ANO6: variants seen among roughly 807,000 people sequenced by gnomAD.
ANO6 encodes the protein anoctamin-6.
A neutral mutation model predicts 117.5 loss-of-function variants in ANO6; 106 were observed. That is an observed-to-expected ratio of 0.90 (90% CI 0.77 to 1.06). ANO6 has a LOEUF of 1.06. Among genes scored for constraint, ANO6 ranks in the 50% least tolerant of loss-of-function variants. The pLI is 0.00. For synonymous variants in ANO6, 367 were observed against 385.1 expected (o/e 0.95, Z 0.55); for missense variants, 955 against 1,121.1 (o/e 0.85, Z 2.12).
chr12:45,419,066 T>C (rs1328506481), intron 17 of ANO6, among the ~76,000 whole-genome samples: 1 of 152,208 alleles, frequency 6.6e-6, no homozygotes. Flanking sequence ...CAAGCAGGAA[T>C]TTGGTATAAA....
At chr12:45,392,600 G>T (rs1942484734) in intron 12 of ANO6, among the ~76,000 whole-genome samples, 1 of 152,176 alleles carries the variant, frequency 6.6e-6, no homozygotes, top group South Asian at 2.1e-4. Context: ...ACCACTGGGG[G>T]CCGACAGACA....
intron 10 of ANO6, among the ~76,000 whole-genome samples, chr12:45,379,668 C>T (rs1942119301): frequency 6.6e-6 from 1 of 152,104 alleles, no homozygotes. Context: ...ATGCTGATAG[C>T]CCCAATTAAA....
At chr12:45,423,111 A>G (rs1210312042) in intron 19 of ANO6, 49 bp downstream of exon 19, 2 of 1,396,386 alleles carry the variant, frequency 1.4e-6, no homozygotes, top group Non-Finnish European at 2.0e-6. Flanking sequence ...GTATTTGCAG[A>G]CCTTCCATTA....
intron 2 of ANO6, among the ~76,000 whole-genome samples, chr12:45,329,897 G>A (rs1017083202): frequency 1.3e-5 from 2 of 152,028 alleles, no homozygotes; most frequent in African/African-American, 4.8e-5. Context: ...ACATGGCTCA[G>A]CATTTTCATA....
At chr12:45,280,864 G>C (rs1938704238) in intron 1 of ANO6, among the ~76,000 whole-genome samples, 1 of 85,686 alleles carries the variant, frequency 1.2e-5, no homozygotes, top group Non-Finnish European at 3.0e-5. Context: ...TCATATATGT[G>C]TTTTTATATA....
chr12:45,285,727 CAAA>C (rs1204485374), intron 1 of ANO6, among the ~76,000 whole-genome samples: 2 of 101,870 alleles, frequency 2.0e-5, no homozygotes, highest in Non-Finnish European at 2.0e-5. Context: ...GACTCCGTCT[CAAA>C]AAAAAAAAAA....
At chr12:45,234,432 A>C (rs1947616815) in intron 1 of ANO6, among the ~76,000 whole-genome samples, 1 of 152,178 alleles carries the variant, frequency 6.6e-6, no homozygotes, top group African/African-American at 2.4e-5. Flanking sequence ...AAAATATTGC[A>C]AACAGATATT....
chr12:45,428,248 CAGA>C (rs1259957281), intron 19 of ANO6, among the ~76,000 whole-genome samples: 5 of 152,282 alleles, frequency 3.3e-5, no homozygotes, highest in Non-Finnish European at 2.9e-5. Context: ...TGTAGTCACA[CAGA>C]AGAATATTAT....
intron 12 of ANO6, among the ~76,000 whole-genome samples, chr12:45,395,035 A>C (rs532362401): frequency 5.3e-5 from 8 of 152,344 alleles, no homozygotes; most frequent in African/African-American, 1.7e-4. Context: ...CCCTTCAAAA[A>C]ATCAGTGAAT....
chr12:45,305,207 A>T (rs1338220068), intron 2 of ANO6, among the ~76,000 whole-genome samples: 2 of 152,194 alleles, frequency 1.3e-5, no homozygotes, highest in Non-Finnish European at 2.9e-5. Context: ...CACACTCCAA[A>T]GTAAGATGGG....
At chr12:45,388,067 C>A in intron 10 of ANO6, 94 bp from the exon 11 acceptor site, 3 of 1,512,150 alleles carry the variant, frequency 2.0e-6, no homozygotes, top group South Asian at 1.1e-5. Flanking sequence ...TGAAAACAGG[C>A]CAGTACAATG....
intron 1 of ANO6, among the ~76,000 whole-genome samples, chr12:45,232,187 G>A (rs1301641845): frequency 1.3e-5 from 2 of 152,154 alleles, no homozygotes; most frequent in African/African-American, 2.4e-5. Context: ...ATCTTCAATA[G>A]AGCTTATATT....
At chr12:45,319,689 A>G (rs1174863049) in intron 2 of ANO6, among the ~76,000 whole-genome samples, 4 of 152,206 alleles carry the variant, frequency 2.6e-5, no homozygotes, top group Admixed American at 2.0e-4. Context: ...TTCAGAAGGA[A>G]TGGTACCAGT....
At chr12:45,260,948 C>T (rs555571358) in intron 1 of ANO6, among the ~76,000 whole-genome samples, 94 of 151,104 alleles carry the variant, frequency 6.2e-4, no homozygotes, top group South Asian at 1.3e-3. Flanking sequence ...CCACCGCAAC[C>T]GGCTGTTTTT....
chr12:45,221,649 T>C (rs1947401214), intron 1 of ANO6, among the ~76,000 whole-genome samples: 1 of 152,102 alleles, frequency 6.6e-6, no homozygotes, highest in South Asian at 2.1e-4. Context: ...GCTAAGCCTT[T>C]CCAGTAGTTG....
intron 7 of ANO6, among the ~76,000 whole-genome samples, chr12:45,353,651 G>T (rs1593003737): frequency 1.3e-5 from 2 of 152,130 alleles, no homozygotes; most frequent in African/African-American, 4.8e-5. Context: ...TTACTGAAGG[G>T]AAAATGGGCT....
intron 2 of ANO6, among the ~76,000 whole-genome samples, chr12:45,323,935 A>ATTT (rs761870704): frequency 2.9e-4 from 31 of 108,304 alleles, no homozygotes; most frequent in Non-Finnish European, 4.2e-4. Flanking sequence ...TTGTTGTTGT[A>ATTT]TTTTTTTTTT....
chr12:45,414,550 C>T (rs1943166266), intron 16 of ANO6, among the ~76,000 whole-genome samples: 1 of 152,042 alleles, frequency 6.6e-6, no homozygotes, highest in South Asian at 2.1e-4. Context: ...ATTTGCATCT[C>T]CTCTTAAAAT....
chr12:45,336,666 T>A (rs1940834244), intron 3 of ANO6, among the ~76,000 whole-genome samples: 2 of 152,120 alleles, frequency 1.3e-5, no homozygotes, highest in Admixed American at 6.6e-5. Flanking sequence ...TCATGTATAG[T>A]ACCGAACGCT....
Sources: allele counts gnomAD v4.1 joint callset (sites outside exome capture counted in the v4.1 genomes callset), GRCh38; gene constraint gnomAD v4.1.1; transcripts MANE v1.5; gene names NCBI Gene and HGNC (gene_info 2026-07-23, HGNC 2026-07-21).